The following WIPF2 variants were observed in gnomAD, a reference collection of about 807,000 sequenced individuals.
WIPF2 encodes WAS/WASL interacting protein family member 2.
Under a neutral mutation model 38.8 loss-of-function variants are expected in WIPF2, and 23 were observed. The observed-to-expected ratio is 0.59, with a 90% CI of 0.43 to 0.84. The LOEUF is 0.84. Ranked by LOEUF, WIPF2 falls within the 40% of genes least tolerant of loss-of-function variation. The pLI is 0.00. For missense variants in WIPF2, 574 were observed against 580.5 expected (o/e 0.99, Z 0.11); for synonymous variants, 210 against 223.2 (o/e 0.94, Z 0.53).
chr17:40,256,664 GTT>G, intron 2 of WIPF2, 142 bp downstream of exon 2: 1 of 1,218,608 alleles, frequency 8.2e-7, no homozygotes, highest in Non-Finnish European at 1.1e-6. Context: ...CTTTAATTCT[GTT>G]TTTAACATTC....
chr17:40,241,846 T>A (rs1042481292), intron 1 of WIPF2, among the ~76,000 whole-genome samples: 1 of 152,170 alleles, frequency 6.6e-6, no homozygotes, highest in Non-Finnish European at 1.5e-5. Flanking sequence ...AAAAGGGTTG[T>A]ATCTTTTGCT....
chr17:40,231,935 C>CT (rs71152658), intron 1 of WIPF2, among the ~76,000 whole-genome samples: 6,194 of 104,238 alleles, frequency 0.059, 152 homozygotes, highest in East Asian at 0.097. Context: ...TTTTTTCTTT[C>CT]TTTTTTTTTT....
At chr17:40,236,089 G>A (rs1188640195) in intron 1 of WIPF2, among the ~76,000 whole-genome samples, 2 of 151,110 alleles carry the variant, frequency 1.3e-5, no homozygotes, top group Non-Finnish European at 3.0e-5. Context: ...ACCGCCCCGA[G>A]TTGCTGGGAT....
chr17:40,277,551 C>G (rs888954932), intron 7 of WIPF2, among the ~76,000 whole-genome samples: 3 of 151,754 alleles, frequency 2.0e-5, no homozygotes, highest in Non-Finnish European at 2.9e-5. Flanking sequence ...CGTGGTGGCA[C>G]ACACCTGTAG....
chr17:40,223,097 A>T (rs1265370968), intron 1 of WIPF2, among the ~76,000 whole-genome samples: 3 of 151,956 alleles, frequency 2.0e-5, no homozygotes, highest in African/African-American at 7.3e-5. Context: ...GAGATGAATG[A>T]AGTCAATTGA....
chr17:40,237,996 G>A (rs1186900081), intron 1 of WIPF2, among the ~76,000 whole-genome samples: 3 of 150,230 alleles, frequency 2.0e-5, no homozygotes, highest in Non-Finnish European at 3.0e-5. Flanking sequence ...AACCCGGGAG[G>A]CGGAGGTTGC....
chr17:40,229,196 C>G (rs1308334001), intron 1 of WIPF2, among the ~76,000 whole-genome samples: 1 of 151,736 alleles, frequency 6.6e-6, no homozygotes, highest in African/African-American at 2.4e-5. Flanking sequence ...ACCGCAACCT[C>G]TGCCTCCCGG....
chr17:40,230,977 G>T (rs2030717560), intron 1 of WIPF2, among the ~76,000 whole-genome samples: 2 of 152,144 alleles, frequency 1.3e-5, no homozygotes, highest in African/African-American at 4.8e-5. Flanking sequence ...CAAGTGTATT[G>T]ACTTTTGTTC....
At chr17:40,221,700 T>C (rs8078221) in intron 1 of WIPF2, among the ~76,000 whole-genome samples, 2,990 of 3,038 alleles carry the variant, frequency 0.98, 1,471 homozygotes, top group South Asian at 1. Flanking sequence ...CCTGCCTCAG[T>C]CCCCCAAGTA....
intron 1 of WIPF2, among the ~76,000 whole-genome samples, chr17:40,240,730 G>A (rs916230905): frequency 6.6e-6 from 1 of 151,662 alleles, no homozygotes; most frequent in Admixed American, 6.6e-5. Flanking sequence ...AGATCACGAG[G>A]TCAGGAGATG....
At chr17:40,243,762 C>T (rs1235791036) in intron 1 of WIPF2, among the ~76,000 whole-genome samples, 1 of 151,892 alleles carries the variant, frequency 6.6e-6, no homozygotes, top group African/African-American at 2.4e-5. Flanking sequence ...CTCGGGTGAT[C>T]CACCCACCTC....
chr17:40,270,405 A>G (rs2032216234), intron 5 of WIPF2, among the ~76,000 whole-genome samples: 1 of 151,970 alleles, frequency 6.6e-6, no homozygotes, highest in Admixed American at 6.6e-5. Context: ...GGATCTGACA[A>G]AGAGCCCAGA....
At chr17:40,257,117 T>C (rs760137554) in intron 2 of WIPF2, among the ~76,000 whole-genome samples, 2 of 152,082 alleles carry the variant, frequency 1.3e-5, no homozygotes, top group Non-Finnish European at 2.9e-5. Context: ...TAGCTGGGAT[T>C]ACAGGCACGC....
intron 1 of WIPF2, among the ~76,000 whole-genome samples, chr17:40,227,471 A>G (rs1360556030): frequency 6.6e-6 from 1 of 152,182 alleles, no homozygotes; most frequent in African/African-American, 2.4e-5. Context: ...AAGAAAGTAT[A>G]TAGTGAATAC....
intron 1 of WIPF2, among the ~76,000 whole-genome samples, chr17:40,252,694 G>A (rs760106396): frequency 2.0e-4 from 30 of 150,768 alleles, no homozygotes; most frequent in Admixed American, 6.6e-4. Flanking sequence ...CCTCAAAAAG[G>A]CAGGACCTCT....
chr17:40,237,247 T>C (rs1397292792), intron 1 of WIPF2, among the ~76,000 whole-genome samples: 1 of 150,426 alleles, frequency 6.6e-6, no homozygotes, highest in Non-Finnish European at 1.5e-5. Context: ...TTTCCTTTTT[T>C]TTTTTTTTTT....
chr17:40,242,399 TTTG>T (rs897159305), intron 1 of WIPF2, among the ~76,000 whole-genome samples: 10 of 150,772 alleles, frequency 6.6e-5, no homozygotes, highest in Admixed American at 2.0e-4. Flanking sequence ...CAAGAAATTT[TTTG>T]TTGTTGTTGT....
rs2145253617 is a variant in WIPF2 at position 40,219,372 on chromosome 17, G to A, written c.-190G>A. On this transcript the variant is annotated 5_prime_UTR_variant, in exon 1 of 8. Transcript: ENST00000323571. ...CCGGGTTGGCAAAAGGGGCGGTGGCGGCGGCGGCGGCGGCGGCGGCGGCGG... is the reference window on the plus strand; with the variant it reads ...CCGGGTTGGCAAAAGGGGCGGTGGCAGCGGCGGCGGCGGCGGCGGCGGCGG... The A allele has an allele frequency of 5.0e-6, 2 of 396,480 alleles. No individual in the cohort carries two copies. The highest frequency in any genetic ancestry group is 4.5e-5 in the South Asian group (2 of 43,964). 24.6% of individuals were successfully genotyped at this position (396,480 alleles called of 1,614,324 possible).
At chr17:40,233,386 AAC>A (rs1411097423) in intron 1 of WIPF2, among the ~76,000 whole-genome samples, 5 of 152,184 alleles carry the variant, frequency 3.3e-5, no homozygotes, top group African/African-American at 1.2e-4. Context: ...TTAGAAAAAA[AAC>A]ACTACTTTAT....
Sources: gnomAD v4.1 joint callset for allele counts (sites outside exome capture counted in the v4.1 genomes callset) on GRCh38, gnomAD v4.1.1 for gene constraint, MANE v1.5 for transcripts, NCBI Gene and HGNC (gene_info 2026-07-23, HGNC 2026-07-21) for gene names.